ADAMTS17: variants seen among roughly 807,000 people sequenced by gnomAD.
ADAMTS17 encodes the protein ADAM metallopeptidase with thrombospondin type 1 motif 17.
ADAMTS17 carries 113 observed loss-of-function variants against 141.5 expected under a neutral mutation model. The ratio of observed to expected loss-of-function variants is 0.80; its 90% CI spans 0.69 to 0.93. The LOEUF (loss-of-function observed/expected upper bound fraction) is 0.93, where lower values mean the gene tolerates loss of function less well. ADAMTS17 is among the 40% of genes least tolerant of loss of function. The pLI is 0.00. For missense variants in ADAMTS17, 1,659 were observed against 1,517.9 expected, an observed-to-expected ratio of 1.09 and a Z score of -1.54; for synonymous variants, 768 against 630.6, an observed-to-expected ratio of 1.22 and a Z score of -3.27.
At chr15:100,055,831 T>A (rs754893536) in intron 15 of ADAMTS17, among the ~76,000 whole-genome samples, 1 of 152,174 alleles carries the variant, frequency 6.6e-6, no homozygotes, top group Non-Finnish European at 1.5e-5. Context: ...CATTTAATCT[T>A]CTCAACAACC....
At chr15:100,069,407 T>C (rs1473297814) in intron 15 of ADAMTS17, among the ~76,000 whole-genome samples, 1 of 152,088 alleles carries the variant, frequency 6.6e-6, no homozygotes, top group Non-Finnish European at 1.5e-5. Context: ...ACAAAGATAC[T>C]CCTTGAGAAG....
At chr15:100,051,456 T>C in intron 17 of ADAMTS17, 116 bp downstream of exon 17, 2 of 1,457,890 alleles carry the variant, frequency 1.4e-6, no homozygotes, top group Non-Finnish European at 1.9e-6. Context: ...TATGGTTAAA[T>C]TCCCATGGAG....
intron 8 of ADAMTS17, among the ~76,000 whole-genome samples, chr15:100,184,964 G>C (rs2040656190): frequency 6.6e-6 from 1 of 152,160 alleles, no homozygotes; most frequent in African/African-American, 2.4e-5. Context: ...CTACTCCTCT[G>C]TCTCCAAATT....
chr15:100,172,285 T>C (rs1596181588), intron 8 of ADAMTS17, among the ~76,000 whole-genome samples: 1 of 124,566 alleles, frequency 8.0e-6, no homozygotes, highest in Non-Finnish European at 1.6e-5. Flanking sequence ...GGCATGTGGA[T>C]TTTTTTAGAG....
At chr15:100,093,581 G>C (rs796430768) in intron 15 of ADAMTS17, among the ~76,000 whole-genome samples, 5 of 152,116 alleles carry the variant, frequency 3.3e-5, no homozygotes, top group African/African-American at 1.2e-4. Context: ...GTCTCGCAAG[G>C]ATATGTTTCC....
chr15:100,161,001 C>T (rs906667844), intron 8 of ADAMTS17, among the ~76,000 whole-genome samples: 28 of 152,296 alleles, frequency 1.8e-4, no homozygotes, highest in South Asian at 6.2e-4. Flanking sequence ...TTATATTTAA[C>T]GAAAACGTGT....
In ADAMTS17 at chr15:100,109,079, C is replaced by T. The variant is rs192905424; in HGVS notation, c.1926G>A (p.Lys642=). The stretch of plus-strand genomic sequence containing the variant: ...TGTCGGCCACCAGCAGTGGGGACTC[C>T]TTCCCGAGGGGCGAGCAGTAGAGTT... ...PCELYCSPLG[K]ESPLLVADRV... is the part of the protein sequence containing the mutation. Residue 642 remains lysine (K), a synonymous_variant, in exon 14 of 22, where the codon AAG becomes AAA. Coordinates refer to ENST00000268070, the MANE Select transcript of ADAMTS17 (RefSeq NM_139057.4). The T allele has an allele frequency of 1.1e-5, 17 of 1,613,766 alleles. No individual in the cohort carries two copies. The Admixed American group carries it at 2.0e-4, about 19-fold the overall frequency.
chr15:100,165,483 G>T lies in ADAMTS17; in HGVS notation c.1182-10163C>A, dbSNP rs149454171. Among the ~76,000 whole-genome samples, 1,245 of 152,296 alleles carry T rather than the reference G, an allele frequency of 8.2e-3. 9 individuals carry two copies. The highest frequency in any genetic ancestry group is 0.015 in the South Asian group (74 of 4,826). On this transcript the variant is annotated intron_variant, in intron 8 of 21. Coordinates refer to ENST00000268070, the MANE Select transcript of ADAMTS17 (RefSeq NM_139057.4). ...ACAGGCTCCCAAATGAGTGGCACCT[G>T]CTTGGGAGGCTCCCATTCTCCTTCC...
At chr15:100,325,781 G>A (rs1308128843) in intron 3 of ADAMTS17, among the ~76,000 whole-genome samples, 6 of 152,128 alleles carry the variant, frequency 3.9e-5, no homozygotes, top group African/African-American at 1.4e-4. Flanking sequence ...GCAGAACTCT[G>A]AGCCAAAATA....
intron 8 of ADAMTS17, among the ~76,000 whole-genome samples, chr15:100,185,752 GA>G (rs1567318291): frequency 2.0e-5 from 3 of 152,146 alleles, no homozygotes; most frequent in Non-Finnish European, 4.4e-5. Flanking sequence ...TCCACATAAA[GA>G]CACTCAGTCC....
chr15:100,111,503 G>C (rs1242521167), intron 13 of ADAMTS17, among the ~76,000 whole-genome samples: 1 of 152,258 alleles, frequency 6.6e-6, no homozygotes, highest in Non-Finnish European at 1.5e-5. Flanking sequence ...GGAGCCCTGA[G>C]GTTCCCCAAG....
rs185457521 is a variant in ADAMTS17 at position 100,294,152 on chromosome 15, C to G, written c.617-12751G>C. 3.2e-4 allele frequency among the ~76,000 whole-genome samples: 48 copies of G among 152,294 alleles called. No homozygotes were observed. The East Asian group carries it at 4.2e-3, about 13-fold the overall frequency. On this transcript the variant is annotated intron_variant, in intron 3 of 21. Coordinates refer to ENST00000268070, the MANE Select transcript of ADAMTS17 (RefSeq NM_139057.4). ...AACAACACAACCAAATCATGCCACT[C>G]GTCTTATTTCTATCATCTGCATGGC...
chr15:100,335,734 T>C (rs889622289), intron 2 of ADAMTS17, among the ~76,000 whole-genome samples: 2 of 152,248 alleles, frequency 1.3e-5, no homozygotes, highest in African/African-American at 4.8e-5. Flanking sequence ...TCACAGACTT[T>C]ATCTTCTTCC....
At chr15:100,242,331 G>A (rs2042852968) in intron 7 of ADAMTS17, among the ~76,000 whole-genome samples, 1 of 152,174 alleles carries the variant, frequency 6.6e-6, no homozygotes, top group Non-Finnish European at 1.5e-5. Context: ...ATGCAAATGA[G>A]GACTGTCCGT....
intron 20 of ADAMTS17, among the ~76,000 whole-genome samples, chr15:99,985,188 C>T (rs559806598): frequency 1.4e-3 from 215 of 152,370 alleles, no homozygotes; most frequent in African/African-American, 5.0e-3. Context: ...TGTCTGTCCC[C>T]GCTCCTTTTT....
intron 7 of ADAMTS17, among the ~76,000 whole-genome samples, chr15:100,224,607 AC>A (rs2042240501): frequency 6.6e-6 from 1 of 152,056 alleles, no homozygotes; most frequent in South Asian, 2.1e-4. Flanking sequence ...CTCGTTCTTC[AC>A]CCCCAGTGCA....
chr15:100,207,939 A>G (rs1176819016), intron 7 of ADAMTS17, among the ~76,000 whole-genome samples: 1 of 152,184 alleles, frequency 6.6e-6, no homozygotes, highest in Non-Finnish European at 1.5e-5. Context: ...ACACTCAAAC[A>G]CAGCCTTGGA....
Position 99,974,502 on chromosome 15 carries a change from T to C in ADAMTS17, c.3188A>G (p.Glu1063Gly). The C allele has an allele frequency of 3.7e-6, 6 of 1,614,182 alleles. No homozygotes were observed. Among genetic ancestry groups the C allele is most frequent in the Non-Finnish European group, 5.1e-6 (6 of 1,180,022 alleles). The change falls in exon 22 of 22, where the codon GAA (glutamate) becomes GGA (glycine). Residue 1063 changes from glutamate to glycine, a missense_variant. Physicochemically the swap from Glu to Gly is moderately conservative, Grantham distance 98. Coordinates refer to ENST00000268070, the MANE Select transcript of ADAMTS17 (RefSeq NM_139057.4). Reference protein sequence around the residue: ...QWTVYCRVIREKNLCQDMRWY... With the variant: ...QWTVYCRVIRGKNLCQDMRWY... ...CCGCATGTCCTGGCAGAGGTTCTTT[T>C]CTCGGATGACCCGGCAATATACCGT...
chr15:100,010,176 T>C (rs1479433291), intron 18 of ADAMTS17, among the ~76,000 whole-genome samples: 5 of 152,250 alleles, frequency 3.3e-5, no homozygotes, highest in Non-Finnish European at 7.3e-5. Flanking sequence ...CCCTGCCACG[T>C]GCAACTGCGA....
Sources: gnomAD v4.1 joint callset for allele counts (sites outside exome capture counted in the v4.1 genomes callset) on GRCh38, gnomAD v4.1.1 for gene constraint, MANE v1.5 for transcripts, NCBI Gene and HGNC (gene_info 2026-07-23, HGNC 2026-07-21) for gene names.